IL18R1: variants seen among roughly 807,000 people sequenced by gnomAD.
IL18R1 encodes interleukin-18 receptor 1.
A neutral mutation model predicts 48.5 loss-of-function variants in IL18R1; 40 were observed. The ratio of observed to expected loss-of-function variants is 0.82; its 90% confidence interval spans 0.64 to 1.07. IL18R1 has a LOEUF of 1.07. Ranked by LOEUF, IL18R1 falls within the 50% of genes least tolerant of loss-of-function variation. The pLI, the probability that IL18R1 is intolerant of heterozygous loss-of-function variation, is 0.00. For synonymous variants in IL18R1, 232 were observed against 225.9 expected (o/e 1.03, Z -0.24); for missense variants, 596 against 633.7 (o/e 0.94, Z 0.64).
At chr2:102,361,623 G>T (rs1409046165) in intron 1 of IL18R1, among the ~76,000 whole-genome samples, 4 of 152,166 alleles carry the variant, frequency 2.6e-5, no homozygotes, top group Non-Finnish European at 5.9e-5. Context: ...GACCAAATAG[G>T]CTCTAAGACT....
chr2:102,382,064 G>A (rs547987557), intron 6 of IL18R1, among the ~76,000 whole-genome samples: 2 of 152,206 alleles, frequency 1.3e-5, no homozygotes, highest in East Asian at 1.9e-4. Context: ...CTTGAGGTCA[G>A]GAGTTTGAGA....
chr2:102,395,012 C>G (rs1161940019), intron 10 of IL18R1, among the ~76,000 whole-genome samples: 1 of 152,058 alleles, frequency 6.6e-6, no homozygotes, highest in Admixed American at 6.5e-5. Context: ...TTAATCCTCA[C>G]TAGTAACTCT....
chr2:102,396,820 G>T lies in IL18R1; in HGVS notation c.1560G>T (p.Met520Ile), dbSNP rs1294378801. ...TCTGGAAGAACCTTCTTTACTTAATGCCTGCAAAAACAGTCAAGCCAGGTA... is the reference window on the plus strand; with the variant it reads ...TCTGGAAGAACCTTCTTTACTTAATTCCTGCAAAAACAGTCAAGCCAGGTA... ...SRFWKNLLYL[M>I]PAKTVKPGRD... is the part of the protein sequence containing the mutation. The change falls in exon 11 of 11, where the codon ATG (methionine) becomes ATT (isoleucine). Residue 520 changes from methionine (M) to isoleucine (I), a missense_variant. Met to Ile is a conservative substitution (Grantham distance 10). Transcript: ENST00000233957. 6.2e-7 allele frequency: 1 copy of T among 1,612,552 alleles called. No homozygotes were observed. The highest frequency in any genetic ancestry group is 8.5e-7 in the Non-Finnish European group (1 of 1,179,576).
intron 5 of IL18R1, among the ~76,000 whole-genome samples, chr2:102,376,393 C>T (rs1231558790): frequency 6.6e-6 from 1 of 152,124 alleles, no homozygotes; most frequent in East Asian, 1.9e-4. Context: ...TATCTATACT[C>T]AATAAACTGT....
chr2:102,361,934 T>C (rs569580769), intron 1 of IL18R1, among the ~76,000 whole-genome samples: 40 of 152,160 alleles, frequency 2.6e-4, no homozygotes, highest in Non-Finnish European at 4.3e-4. Flanking sequence ...GTCTGGAGTG[T>C]AGGAGACTGT....
chr2:102,359,071 G>A lies in IL18R1; in HGVS notation c.-29+2671G>A, dbSNP rs555280923. Among the ~76,000 whole-genome samples, 5 of 151,854 alleles carry A rather than the reference G, an allele frequency of 3.3e-5. No homozygotes were observed. The East Asian group carries it at 9.7e-4, about 29-fold the overall frequency. ...CATGTGCATGTTTGCATTTGGAAAA[G>A]CATGCTGTGCTAGACTTGCAGTAGA... On this transcript the variant is annotated intron_variant, in intron 1 of 10. Coordinates refer to ENST00000233957, the MANE Select transcript of IL18R1 (RefSeq NM_003855.5).
intron 2 of IL18R1, among the ~76,000 whole-genome samples, chr2:102,366,660 A>G (rs776646283): frequency 1.5e-4 from 23 of 152,144 alleles, no homozygotes; most frequent in Non-Finnish European, 2.8e-4. Context: ...GTAATATATA[A>G]AGGAGAAAGA....
intron 5 of IL18R1, among the ~76,000 whole-genome samples, chr2:102,378,571 A>G (rs891959116): frequency 6.6e-6 from 1 of 152,208 alleles, no homozygotes; most frequent in Non-Finnish European, 1.5e-5. Context: ...CTCCTCCTTC[A>G]TGCCCCCATG....
chr2:102,360,319 A>G (rs1678498114), intron 1 of IL18R1, among the ~76,000 whole-genome samples: 1 of 152,202 alleles, frequency 6.6e-6, no homozygotes, highest in African/African-American at 2.4e-5. Flanking sequence ...GCTGGAGTGC[A>G]GTGATGAGAT....
chr2:102,361,185 T>G (rs752884329), intron 1 of IL18R1, among the ~76,000 whole-genome samples: 1 of 152,178 alleles, frequency 6.6e-6, no homozygotes, highest in Non-Finnish European at 1.5e-5. Context: ...GAAATAACAT[T>G]TTTTATTCTA....
At chr2:102,383,743 C>T (rs1456640689) in intron 6 of IL18R1, among the ~76,000 whole-genome samples, 6 of 152,022 alleles carry the variant, frequency 3.9e-5, no homozygotes, top group Non-Finnish European at 5.9e-5. Flanking sequence ...TTTAGTCCAT[C>T]TGTATATTTA....
rs557522969 is a variant in IL18R1, at chr2:102,390,014, T to C, written c.950-42T>C. 6 of 1,602,532 alleles carry C rather than the reference T, an allele frequency of 3.7e-6. No individual in the cohort carries two copies. In the South Asian group the frequency reaches 5.5e-5, roughly 15 times the overall value. On this transcript the variant is annotated intron_variant, in intron 8 of 10. Transcript: ENST00000233957. Reference sequence around the variant, plus strand: ...GTGATGATGGACAACACTGGTAAGATTTCTTGATTATTTTCTTTTCCTTTT... The same window carrying C: ...GTGATGATGGACAACACTGGTAAGACTTCTTGATTATTTTCTTTTCCTTTT...
chr2:102,376,676 A>AATCC (rs1679605175), intron 5 of IL18R1, among the ~76,000 whole-genome samples: 1 of 152,088 alleles, frequency 6.6e-6, no homozygotes, highest in African/African-American at 2.4e-5. Flanking sequence ...AGGAACACTG[A>AATCC]TGTGCTGGTG....
At chr2:102,387,172 G>A (rs1415010704) in intron 8 of IL18R1, among the ~76,000 whole-genome samples, 172 bp downstream of exon 8, 1 of 152,122 alleles carries the variant, frequency 6.6e-6, no homozygotes. Context: ...ATGATGCCAA[G>A]CAGAGAATGA....
intron 9 of IL18R1, among the ~76,000 whole-genome samples, chr2:102,390,659 C>T (rs1279853502): frequency 6.6e-6 from 1 of 152,102 alleles, no homozygotes; most frequent in Non-Finnish European, 1.5e-5. Flanking sequence ...GCTGGCCGGG[C>T]GCGGTGGCTC....
chr2:102,374,073 G>A (rs889084067), intron 4 of IL18R1: 3 of 255,428 alleles, frequency 1.2e-5, no homozygotes, highest in African/African-American at 6.7e-5. Context: ...TAATGCGCCT[G>A]AATCATCCCC....
intron 4 of IL18R1, 47 bp downstream of exon 4, chr2:102,372,165 A>G: frequency 1.4e-6 from 2 of 1,458,030 alleles, no homozygotes; most frequent in Non-Finnish European, 1.9e-6. Context: ...TGGAAAAGAT[A>G]AAATTCCCAA....
intron 8 of IL18R1, among the ~76,000 whole-genome samples, chr2:102,389,330 T>A (rs780249429): frequency 6.6e-6 from 1 of 152,184 alleles, no homozygotes; most frequent in African/African-American, 2.4e-5. Flanking sequence ...CTTCACCACA[T>A]TGTGATTTGT....
chr2:102,371,086 C>A (rs1472703949), intron 3 of IL18R1, among the ~76,000 whole-genome samples: 2 of 149,004 alleles, frequency 1.3e-5, no homozygotes, highest in African/African-American at 2.5e-5. Flanking sequence ...GATGGAATTT[C>A]GCTCTTGTTA....
Sources: allele counts gnomAD v4.1 joint callset (sites outside exome capture counted in the v4.1 genomes callset), GRCh38; gene constraint gnomAD v4.1.1; transcripts MANE v1.5; gene names NCBI Gene and HGNC (gene_info 2026-07-23, HGNC 2026-07-21).